The following NCOA3 variants were observed in gnomAD, a reference collection of about 807,000 sequenced individuals.
NCOA3 encodes nuclear receptor coactivator 3.
A neutral mutation model predicts 158.8 loss-of-function variants in NCOA3; 51 were observed. The observed-to-expected ratio is 0.32, with a 90% CI of 0.26 to 0.41. NCOA3 has a LOEUF of 0.41. NCOA3 is among the 10% of genes least tolerant of loss of function. NCOA3 has a pLI of 1.00. For missense variants in NCOA3, 1,510 were observed against 1,746.6 expected (o/e 0.86, Z 2.41); for synonymous variants, 537 against 592.4 (o/e 0.91, Z 1.36).
At position 47,519,727 on chromosome 20, in the gene NCOA3, A is replaced by G. The variant is rs994030827; in HGVS notation, c.-99+17708A>G. 4.8e-4 allele frequency among the ~76,000 whole-genome samples: 73 copies of G among 152,172 alleles called. 4 individuals are homozygous for G. ...AGGATTGCCTGAGACCAGGAGTTCA[A>G]GACCAGCTTGGGCAATGTGGCAAAA... On this transcript the variant is annotated intron_variant, in intron 1 of 22. Transcript: ENST00000371998.
rs185391188 is a variant in NCOA3, at chr20:47,505,726, G to A, written c.-99+3707G>A. ...CATACTTCAAAAAATTGAAAAACAA[G>A]GGGACTATATTGGTTTGGATTCTCA... On this transcript the variant is annotated intron_variant, in intron 1 of 22. Coordinates refer to ENST00000371998, the MANE Select transcript of NCOA3 (RefSeq NM_181659.3). Among the ~76,000 whole-genome samples, 480 of 151,970 alleles carry A rather than the reference G, an allele frequency of 3.2e-3. 7 individuals are homozygous for A. The highest frequency in any genetic ancestry group is 0.024 in the Admixed American group (364 of 15,248).
At chr20:47,562,676 T>C (rs2085126850) in intron 1 of NCOA3, among the ~76,000 whole-genome samples, 1 of 152,188 alleles carries the variant, frequency 6.6e-6, no homozygotes, top group African/African-American at 2.4e-5. Flanking sequence ...CTGTACCATA[T>C]ACCTTTTATT....
chr20:47,548,786 T>C (rs2084878364), intron 1 of NCOA3, among the ~76,000 whole-genome samples: 1 of 151,512 alleles, frequency 6.6e-6, no homozygotes, highest in Admixed American at 6.6e-5. Context: ...TACTGTGTAG[T>C]CTCCCCAAGA....
Position 47,656,800 on chromosome 20 carries a change from T to C in NCOA3, c.*3383T>C, listed in dbSNP as rs908706658. On this transcript the variant is annotated 3_prime_UTR_variant, in exon 23 of 23. Transcript: ENST00000371998. Reference sequence around the variant, plus strand: ...AATTGAAACCACATGAAATGACTTATGGGGGATGGTGAGCTGTGACTGCTT... The same window carrying C: ...AATTGAAACCACATGAAATGACTTACGGGGGATGGTGAGCTGTGACTGCTT... 2 of 152,214 alleles carry C rather than the reference T, an allele frequency of 1.3e-5. No homozygotes were observed. Among genetic ancestry groups the C allele is most frequent in the African/African-American group, 4.8e-5 (2 of 41,384 alleles). 9.4% of individuals were successfully genotyped at this position (152,214 alleles called of 1,614,324 possible).
At chr20:47,569,136 A>G (rs930502269) in intron 1 of NCOA3, among the ~76,000 whole-genome samples, 1 of 152,068 alleles carries the variant, frequency 6.6e-6, no homozygotes, top group Admixed American at 6.5e-5. Context: ...ACTTGAGCCC[A>G]CGAGTTTGAG....
At chr20:47,643,736 T>G (rs960549233) in intron 17 of NCOA3, among the ~76,000 whole-genome samples, 2 of 152,138 alleles carry the variant, frequency 1.3e-5, no homozygotes, top group African/African-American at 4.8e-5. Flanking sequence ...TGTTTTGGGT[T>G]CTATGTGTCT....
chr20:47,557,369 C>T (rs2085023397), intron 1 of NCOA3, among the ~76,000 whole-genome samples: 1 of 152,134 alleles, frequency 6.6e-6, no homozygotes, highest in South Asian at 2.1e-4. Flanking sequence ...TTCTCTAATC[C>T]TGATAATCCT....
chr20:47,532,620 A>T (rs1288056394), intron 1 of NCOA3, among the ~76,000 whole-genome samples: 2 of 152,034 alleles, frequency 1.3e-5, no homozygotes, highest in East Asian at 3.9e-4. Flanking sequence ...GGTGAGTGTT[A>T]AGACGTGCAG....
At position 47,639,113 on chromosome 20, in the gene NCOA3, T is replaced by A. The variant is rs762326636; in HGVS notation, c.2618T>A (p.Ile873Asn). The part of the protein sequence containing the change: ...SVGSSPPVKN[I>N]SAFPMLPKQP... ...GGCTCAAGTCCTCCAGTAAAAAATA[T>A]CAGTGCTTTCCCCATGTTACCAAAG... The change falls in exon 14 of 23, where the codon ATC becomes AAC. Residue 873 changes from isoleucine (I) to asparagine (N), a missense_variant. Coordinates refer to ENST00000371998, the MANE Select transcript of NCOA3 (RefSeq NM_181659.3). The A allele has an allele frequency of 1.2e-6, 2 of 1,614,048 alleles. No homozygotes were observed. The highest frequency in any genetic ancestry group is 1.7e-6 in the Non-Finnish European group (2 of 1,180,020).
intron 2 of NCOA3, among the ~76,000 whole-genome samples, chr20:47,589,577 T>C (rs1050117702): frequency 2.0e-5 from 3 of 151,996 alleles, no homozygotes; most frequent in African/African-American, 7.3e-5. Flanking sequence ...GGTTTTGCCA[T>C]GTTGTCCAGG....
chr20:47,572,286 T>C (rs2085305844), intron 1 of NCOA3, among the ~76,000 whole-genome samples: 1 of 152,094 alleles, frequency 6.6e-6, no homozygotes, highest in Non-Finnish European at 1.5e-5. Context: ...TTCCTTTTAA[T>C]AACTTTCTCT....
intron 19 of NCOA3, among the ~76,000 whole-genome samples, chr20:47,650,349 T>G (rs906029272): frequency 6.6e-6 from 1 of 151,094 alleles, no homozygotes; most frequent in African/African-American, 2.4e-5. Flanking sequence ...TCCCTGGGTT[T>G]AAGGGATTTT....
At position 47,649,647 on chromosome 20, in the gene NCOA3, C is replaced by T. The variant is rs374866091; in HGVS notation, c.3651+538C>T. Among the ~76,000 whole-genome samples, 16 of 152,144 alleles carry T rather than the reference C, an allele frequency of 1.1e-4. No individual in the cohort carries two copies. In the East Asian group the frequency reaches 1.5e-3, roughly 15 times the overall value. On this transcript the variant is annotated intron_variant, in intron 19 of 22. Coordinates refer to ENST00000371998, the MANE Select transcript of NCOA3 (RefSeq NM_181659.3). ...AATGTGCATGAGGCAGATGACCACA[C>T]AGCAATCCTCTATTGTGATTTGAAA...
chr20:47,604,318 A>C (rs942505048), intron 2 of NCOA3, among the ~76,000 whole-genome samples: 1 of 152,210 alleles, frequency 6.6e-6, no homozygotes, highest in East Asian at 1.9e-4. Context: ...GCTGAGCTCA[A>C]ATCAGCTGTT....
At chr20:47,638,382 C>T (rs2086550877) in intron 13 of NCOA3, among the ~76,000 whole-genome samples, 1 of 152,148 alleles carries the variant, frequency 6.6e-6, no homozygotes, top group Non-Finnish European at 1.5e-5. Flanking sequence ...TGCACTCCAG[C>T]CTGGGTGACA....
intron 19 of NCOA3, among the ~76,000 whole-genome samples, chr20:47,650,316 T>C (rs2086762064): frequency 6.7e-6 from 1 of 149,564 alleles, no homozygotes; most frequent in Non-Finnish European, 1.5e-5. Flanking sequence ...AGTGGCACGA[T>C]CTCGGCTCAC....
chr20:47,502,502 T>A (rs2146032983), intron 1 of NCOA3, among the ~76,000 whole-genome samples: 1 of 152,078 alleles, frequency 6.6e-6, no homozygotes, highest in Admixed American at 6.6e-5. Context: ...CGGGTGAGAT[T>A]TGGTTGCTGT....
intron 1 of NCOA3, among the ~76,000 whole-genome samples, chr20:47,534,155 A>C (rs1459044683): frequency 5.9e-5 from 9 of 152,034 alleles, no homozygotes; most frequent in African/African-American, 1.9e-4. Flanking sequence ...AGCATAATTC[A>C]AAAGTTTTTG....
intron 2 of NCOA3, among the ~76,000 whole-genome samples, chr20:47,591,675 A>G (rs1179815819): frequency 6.6e-6 from 1 of 151,436 alleles, no homozygotes; most frequent in African/African-American, 2.4e-5. Context: ...CACTGGATAG[A>G]AAATTCTGGG....
Sources: gnomAD v4.1 joint callset for allele counts (sites outside exome capture counted in the v4.1 genomes callset) on GRCh38, gnomAD v4.1.1 for gene constraint, MANE v1.5 for transcripts, NCBI Gene and HGNC (gene_info 2026-07-23, HGNC 2026-07-21) for gene names.